SPON1: variants seen among roughly 807,000 people sequenced by gnomAD.
SPON1 encodes the protein spondin 1.
Under a neutral mutation model 111.7 loss-of-function variants are expected in SPON1, and 52 were observed. The ratio of observed to expected loss-of-function variants is 0.47; its 90% CI spans 0.37 to 0.59. The LOEUF (loss-of-function observed/expected upper bound fraction) is 0.59, where lower values mean the gene tolerates loss of function less well. Ranked by LOEUF, SPON1 falls within the 20% of genes least tolerant of loss-of-function variation. SPON1 has a pLI of 0.00. For synonymous variants in SPON1, 410 were observed against 395.8 expected, an observed-to-expected ratio of 1.04 and a Z score of -0.43; for missense variants, 957 against 1,068.5, an observed-to-expected ratio of 0.90 and a Z score of 1.46.
intron 6 of SPON1, among the ~76,000 whole-genome samples, chr11:14,174,253 T>C (rs908821734): frequency 6.6e-6 from 1 of 152,138 alleles, no homozygotes; most frequent in African/African-American, 2.4e-5. Context: ...TCACCCCATC[T>C]CTCATGAGGG....
Position 14,135,329 on chromosome 11 carries a change from G to A in SPON1, c.677-91G>A, listed in dbSNP as rs1403275848. 1.1e-5 allele frequency: 16 copies of A among 1,414,258 alleles called. No individual in the cohort carries two copies. The highest frequency in any genetic ancestry group is 2.8e-5 in the African/African-American group (2 of 70,470). 87.6% of individuals were successfully genotyped at this position (1,414,258 alleles called of 1,614,324 possible). ...GTGCTTAGTCAGTGCTCTTTGAATC[G>A]ATGTCCAATTACGCATCCTCCCCAT... On this transcript the variant is annotated intron_variant, in intron 5 of 15. Coordinates refer to ENST00000576479, the MANE Select transcript of SPON1 (RefSeq NM_006108.4). The surrounding 1 kb of genome is among the most constrained non-coding windows in gnomAD (Gnocchi z 4.4).
At chr11:14,067,294 A>G (rs782501812) in intron 3 of SPON1, among the ~76,000 whole-genome samples, 3 of 152,142 alleles carry the variant, frequency 2.0e-5, no homozygotes, top group Non-Finnish European at 4.4e-5. Context: ...TGCCCTCCCT[A>G]TATCCCACCA....
At chr11:14,157,884 C>T (rs1047931042) in intron 6 of SPON1, among the ~76,000 whole-genome samples, 6 of 151,932 alleles carry the variant, frequency 3.9e-5, no homozygotes, top group Non-Finnish European at 7.4e-5. Flanking sequence ...CAGTTTGTTG[C>T]TAAAATTCTC....
At chr11:13,997,926 C>A (rs192789772) in intron 2 of SPON1, among the ~76,000 whole-genome samples, 10 of 152,082 alleles carry the variant, frequency 6.6e-5, no homozygotes, top group Admixed American at 6.5e-4. Flanking sequence ...GAATGGATAG[C>A]GGAAACCACA....
intron 6 of SPON1, among the ~76,000 whole-genome samples, chr11:14,154,585 A>G (rs1554930199): frequency 6.6e-6 from 1 of 152,220 alleles, no homozygotes; most frequent in Non-Finnish European, 1.5e-5. Context: ...CTGTGATGGG[A>G]CAGGCTGCTG....
intron 3 of SPON1, among the ~76,000 whole-genome samples, chr11:14,044,117 A>ATGTAATATTAAAG (rs1591360048): frequency 6.6e-6 from 1 of 151,346 alleles, no homozygotes; most frequent in East Asian, 1.9e-4. Flanking sequence ...AAAGTCATGA[A>ATGTAATATTAAAG]TCCATGTAAT....
At chr11:13,983,046 G>A in intron 2 of SPON1, 93 bp downstream of exon 2, 1 of 829,936 alleles carries the variant, frequency 1.2e-6, no homozygotes, top group East Asian at 2.7e-5. Context: ...TTCCCATGCA[G>A]TCCCTTGACC....
Position 14,160,405 on chromosome 11 carries a change from ATATATATATATTTATATATATATATT to A in SPON1, c.825+24861_825+24886del, listed in dbSNP as rs1564918807. ...TTACATTATTTTTATATATATATTT[ATATATATATATTTATATATATATATT>A]TATATATATATTTATATATATATTT... is the stretch of plus-strand genomic sequence containing the variant. On this transcript the variant is annotated intron_variant, in intron 6 of 15. Coordinates refer to ENST00000576479, the MANE Select transcript of SPON1 (RefSeq NM_006108.4). 6.0e-3 allele frequency among the ~76,000 whole-genome samples: 231 copies of A among 38,564 alleles called. 26 individuals are homozygous for A. The highest frequency in any genetic ancestry group is 0.025 in the African/African-American group (220 of 8,904). 25.3% of individuals were successfully genotyped at this position (38,564 alleles called of 152,430 possible).
chr11:13,974,257 G>A (rs1245365331), intron 1 of SPON1, among the ~76,000 whole-genome samples: 5 of 152,174 alleles, frequency 3.3e-5, no homozygotes, highest in Non-Finnish European at 5.9e-5. Context: ...AGAAGCTGAC[G>A]CGCATTGTGG....
At chr11:13,963,216 A>C in intron 1 of SPON1, 74 bp downstream of exon 1, 1 of 1,209,740 alleles carries the variant, frequency 8.3e-7, no homozygotes, top group South Asian at 1.7e-5. Flanking sequence ...GCGGTGCCGG[A>C]GGAGGGCGCG....
intron 6 of SPON1, among the ~76,000 whole-genome samples, chr11:14,216,726 A>G (rs891820635): frequency 6.6e-6 from 1 of 152,184 alleles, no homozygotes; most frequent in African/African-American, 2.4e-5. Context: ...TACAATAACA[A>G]CATTAATCCA....
At chr11:13,987,126 G>T (rs1215799392) in intron 2 of SPON1, among the ~76,000 whole-genome samples, 1 of 152,126 alleles carries the variant, frequency 6.6e-6, no homozygotes, top group East Asian at 1.9e-4. Flanking sequence ...CTAGATCTTT[G>T]AGGAATCACT....
intron 5 of SPON1, among the ~76,000 whole-genome samples, chr11:14,091,332 C>T (rs1212109834): frequency 6.6e-6 from 1 of 152,212 alleles, no homozygotes; most frequent in African/African-American, 2.4e-5. Flanking sequence ...CGCTGGCATT[C>T]CTCAGCCCTT....
chr11:13,979,488 CA>C (rs1848128080), intron 1 of SPON1, among the ~76,000 whole-genome samples: 1 of 152,152 alleles, frequency 6.6e-6, no homozygotes, highest in Admixed American at 6.5e-5. Flanking sequence ...GAAATGCTCC[CA>C]GGGGAAACTA....
At chr11:14,059,715 G>A (rs1591364335) in intron 3 of SPON1, among the ~76,000 whole-genome samples, 1 of 152,102 alleles carries the variant, frequency 6.6e-6, no homozygotes, top group East Asian at 1.9e-4. Context: ...GAAGAGTGTG[G>A]GAGGGAGGGA....
chr11:13,984,822 G>A (rs1423215965), intron 2 of SPON1, among the ~76,000 whole-genome samples: 11 of 152,140 alleles, frequency 7.2e-5, no homozygotes, highest in African/African-American at 1.4e-4. Flanking sequence ...AGTGGGCAGC[G>A]CATAAATATT....
At chr11:14,119,276 G>A (rs906390329) in intron 5 of SPON1, among the ~76,000 whole-genome samples, 3 of 152,118 alleles carry the variant, frequency 2.0e-5, no homozygotes, top group Non-Finnish European at 4.4e-5. Flanking sequence ...CAGAAGTGAA[G>A]GAATAGGGAG....
intron 2 of SPON1, among the ~76,000 whole-genome samples, chr11:13,999,873 C>T (rs1196460275): frequency 6.6e-6 from 1 of 152,104 alleles, no homozygotes; most frequent in Non-Finnish European, 1.5e-5. Context: ...ACCTTATGTC[C>T]TATAGTCCTT....
chr11:13,968,278 C>T, intron 1 of SPON1, among the ~76,000 whole-genome samples: 1 of 152,128 alleles, frequency 6.6e-6, no homozygotes, highest in East Asian at 1.9e-4. Context: ...AATGGGAGAT[C>T]CAGCATGATG....
Sources: gnomAD v4.1 joint callset for allele counts (sites outside exome capture counted in the v4.1 genomes callset) on GRCh38, gnomAD v4.1.1 for gene constraint, Gnocchi (gnomAD v3.1) non-coding constraint, MANE v1.5 for transcripts, NCBI Gene and HGNC (gene_info 2026-07-23, HGNC 2026-07-21) for gene names.